Variants in BTBD9 observed in about 807,000 individuals in gnomAD.
BTBD9 encodes BTB/POZ domain-containing protein 9.
Under a neutral mutation model 64.3 loss-of-function variants are expected in BTBD9, and 49 were observed. The observed-to-expected ratio is 0.76, with a 90% CI of 0.61 to 0.97. The LOEUF is 0.97. Ranked by LOEUF, BTBD9 falls within the 50% of genes least tolerant of loss-of-function variation. The pLI is 0.00. For synonymous variants in BTBD9, 260 were observed against 274.7 expected (o/e 0.95, Z 0.53); for missense variants, 598 against 762.1 (o/e 0.78, Z 2.53).
chr6:38,597,772 A>G, intron 2 of BTBD9, 138 bp downstream of exon 2: 3 of 733,328 alleles, frequency 4.1e-6, no homozygotes, highest in Non-Finnish European at 6.6e-6. Context: ...GTCTACAAGG[A>G]TGAAATCTTC....
chr6:38,624,116 G>A (rs1292995805), intron 1 of BTBD9, among the ~76,000 whole-genome samples: 1 of 152,120 alleles, frequency 6.6e-6, no homozygotes, highest in Non-Finnish European at 1.5e-5. Context: ...ATTGTAAAAC[G>A]CACCAATCAG....
intron 6 of BTBD9, among the ~76,000 whole-genome samples, chr6:38,362,962 G>T (rs1309506587): frequency 2.0e-5 from 3 of 151,980 alleles, no homozygotes; most frequent in Admixed American, 6.6e-5. Context: ...GGAAATGACA[G>T]AACCACATGA....
intron 6 of BTBD9, among the ~76,000 whole-genome samples, chr6:38,549,100 C>A (rs1582616661): frequency 1.3e-5 from 2 of 152,120 alleles, no homozygotes; most frequent in East Asian, 3.9e-4. Flanking sequence ...TAAAAGTAAC[C>A]TACAATGTGA....
At chr6:38,637,532 T>C (rs1209752490) in intron 1 of BTBD9, among the ~76,000 whole-genome samples, 1 of 152,192 alleles carries the variant, frequency 6.6e-6, no homozygotes, top group Non-Finnish European at 1.5e-5. Context: ...AAGACTCCTT[T>C]CCCAACTAAC....
At chr6:38,497,111 G>A (rs1222467230) in intron 6 of BTBD9, among the ~76,000 whole-genome samples, 2 of 152,172 alleles carry the variant, frequency 1.3e-5, no homozygotes, top group Non-Finnish European at 2.9e-5. Flanking sequence ...GATGGGTCTA[G>A]ACACATAAGG....
chr6:38,335,375 C>T (rs1763852288), intron 7 of BTBD9, among the ~76,000 whole-genome samples: 2 of 151,862 alleles, frequency 1.3e-5, no homozygotes. Flanking sequence ...GGCTCAGCCT[C>T]CTGAGTAGCT....
chr6:38,558,676 G>A (rs768514834), intron 6 of BTBD9, among the ~76,000 whole-genome samples: 3 of 152,114 alleles, frequency 2.0e-5, no homozygotes, highest in Non-Finnish European at 4.4e-5. Flanking sequence ...TGTTCACGTG[G>A]TAAATCACAT....
chr6:38,506,565 C>T (rs751222398), intron 6 of BTBD9, among the ~76,000 whole-genome samples: 5 of 152,208 alleles, frequency 3.3e-5, no homozygotes, highest in Non-Finnish European at 7.3e-5. Context: ...CCACTAAACA[C>T]ATCCTGCTTT....
intron 6 of BTBD9, among the ~76,000 whole-genome samples, chr6:38,438,956 C>G (rs1399648768): frequency 6.6e-6 from 1 of 152,060 alleles, no homozygotes; most frequent in Non-Finnish European, 1.5e-5. Context: ...GAGGGGACAG[C>G]AAGTCCTGCA....
intron 6 of BTBD9, among the ~76,000 whole-genome samples, chr6:38,554,826 A>G (rs777964340): frequency 2.0e-5 from 3 of 152,252 alleles, no homozygotes; most frequent in Non-Finnish European, 4.4e-5. Flanking sequence ...CCAGCAGGGT[A>G]TATGAAACTC....
intron 6 of BTBD9, among the ~76,000 whole-genome samples, chr6:38,413,154 G>C (rs1011985601): frequency 6.6e-6 from 1 of 151,928 alleles, no homozygotes; most frequent in Non-Finnish European, 1.5e-5. Context: ...TATGCCCTTA[G>C]GGAGGACAAT....
At chr6:38,306,785 G>A (rs1309922247) in intron 7 of BTBD9, among the ~76,000 whole-genome samples, 1 of 152,160 alleles carries the variant, frequency 6.6e-6, no homozygotes, top group Admixed American at 6.6e-5. Flanking sequence ...TTTGAGAGGT[G>A]GAGGAAAAAG....
rs1389811580 is a variant in BTBD9, at chr6:38,173,534, CCTA to C, written c.*1448_*1450del. Reference sequence around the variant, plus strand: ...ATTTAATCACGCAGTTTGATGCTACCCTACTATTTCCATATGGACAAATCACTC... The same window carrying C: ...ATTTAATCACGCAGTTTGATGCTACCCTATTTCCATATGGACAAATCACTC... On this transcript the variant is annotated 3_prime_UTR_variant, in exon 11 of 11. Transcript: ENST00000481247. 1 of 152,240 alleles carries C rather than the reference CCTA, an allele frequency of 6.6e-6. No individual in the cohort carries two copies. Among genetic ancestry groups the C allele is most frequent in the South Asian group, 2.1e-4 (1 of 4,826 alleles). The allele number at this position is 152,240 out of a possible 1,614,324, so 9.4% of individuals were successfully genotyped here.
chr6:38,496,281 G>A (rs1771949660), intron 6 of BTBD9, among the ~76,000 whole-genome samples: 1 of 152,090 alleles, frequency 6.6e-6, no homozygotes, highest in Non-Finnish European at 1.5e-5. Context: ...AATATTAAAG[G>A]AGATGTAAGA....
At chr6:38,455,090 A>C (rs1309220258) in intron 6 of BTBD9, among the ~76,000 whole-genome samples, 1 of 152,164 alleles carries the variant, frequency 6.6e-6, no homozygotes, top group Non-Finnish European at 1.5e-5. Flanking sequence ...TCAATACCTA[A>C]AGAGCACTGT....
chr6:38,399,938 T>C (rs1266180539), intron 6 of BTBD9, among the ~76,000 whole-genome samples: 1 of 151,808 alleles, frequency 6.6e-6, no homozygotes, highest in Non-Finnish European at 1.5e-5. Context: ...TTTTTTGTAT[T>C]TTTAGTAGAG....
At chr6:38,591,279 C>T (rs564708306) in intron 4 of BTBD9, among the ~76,000 whole-genome samples, 10 of 152,250 alleles carry the variant, frequency 6.6e-5, no homozygotes, top group African/African-American at 2.2e-4. Flanking sequence ...TCTTCAAATG[C>T]TCTAACCTCT....
At chr6:38,229,760 G>A (rs560354740) in intron 9 of BTBD9, among the ~76,000 whole-genome samples, 1 of 152,132 alleles carries the variant, frequency 6.6e-6, no homozygotes, top group African/African-American at 2.4e-5. Context: ...AACCTAAATG[G>A]AGAGCATCAC....
At chr6:38,420,061 C>T (rs1767836955) in intron 6 of BTBD9, among the ~76,000 whole-genome samples, 1 of 152,070 alleles carries the variant, frequency 6.6e-6, no homozygotes, top group Non-Finnish European at 1.5e-5. Context: ...AAAACACTGA[C>T]ATCTCATTTC....
Sources: gnomAD v4.1 joint callset for allele counts (sites outside exome capture counted in the v4.1 genomes callset) on GRCh38, gnomAD v4.1.1 for gene constraint, MANE v1.5 for transcripts, NCBI Gene and HGNC (gene_info 2026-07-23, HGNC 2026-07-21) for gene names.